KMT2C: variants seen among roughly 807,000 people sequenced by gnomAD.
KMT2C encodes the protein lysine methyltransferase 2C, also known as histone-lysine N-methyltransferase 2C.
Under a neutral mutation model 507.9 loss-of-function variants are expected in KMT2C, and 88 were observed. That is an observed-to-expected ratio of 0.17 (90% confidence interval 0.15 to 0.21). The LOEUF is 0.21. Ranked by LOEUF, KMT2C falls within the 10% of genes least tolerant of loss-of-function variation. The pLI is 1.00. For missense variants in KMT2C, 4,954 were observed against 5,957.8 expected (o/e 0.83, Z 5.55); for synonymous variants, 2,049 against 2,080.8 (o/e 0.98, Z 0.42).
chr7:152,160,635 T>A (rs961775841), intron 43 of KMT2C, among the ~76,000 whole-genome samples: 2 of 146,722 alleles, frequency 1.4e-5, no homozygotes, highest in African/African-American at 5.0e-5. Context: ...ATTTATATAT[T>A]TATATTTATA....
rs2129095710 is a variant in KMT2C at position 152,149,082 on chromosome 7, T to C, written c.12845A>G (p.Asn4282Ser). The C allele has an allele frequency of 2.0e-6, 3 of 1,517,068 alleles. No individual in the cohort carries two copies. The highest frequency in any genetic ancestry group is 2.6e-6 in the Non-Finnish European group (3 of 1,135,760). 94.0% of individuals were successfully genotyped at this position (1,517,068 alleles called of 1,614,324 possible). A position where few individuals can be genotyped will look rare whatever the true frequency, so the allele number is the denominator to read the frequency against. The part of the protein sequence containing the change: ...TPSKAFHQYS[N>S]NISTLDVHCL... ...GTGCACATCCAAAGTGGAGATGTTGTTGCTGTACTGATGAAATGCTTTGGA... is the reference window on the plus strand; with the variant it reads ...GTGCACATCCAAAGTGGAGATGTTGCTGCTGTACTGATGAAATGCTTTGGA... Residue 4282 changes from asparagine (N) to serine (S), a missense_variant, in exon 52 of 59, where the codon AAC (asparagine) becomes AGC (serine). Asn to Ser is a conservative substitution (Grantham distance 46). This residue lies in a region of KMT2C where 417 missense variants were observed against 461.1 expected (regional missense o/e 0.90). Coordinates refer to ENST00000262189, the MANE Select transcript of KMT2C (RefSeq NM_170606.3).
chr7:152,267,270 CTT>C, intron 7 of KMT2C, among the ~76,000 whole-genome samples: 1 of 152,204 alleles, frequency 6.6e-6, no homozygotes, highest in South Asian at 2.1e-4. Flanking sequence ...AACCCCAAAC[CTT>C]TATTCTTCAA....
At chr7:152,373,681 T>C (rs1476180640) in intron 1 of KMT2C, among the ~76,000 whole-genome samples, 1 of 152,134 alleles carries the variant, frequency 6.6e-6, no homozygotes, top group Non-Finnish European at 1.5e-5. Flanking sequence ...AAAAGAGTTC[T>C]TTAAGATTGT....
At chr7:152,321,185 G>A (rs970200886) in intron 3 of KMT2C, among the ~76,000 whole-genome samples, 21 of 151,956 alleles carry the variant, frequency 1.4e-4, no homozygotes, top group African/African-American at 4.8e-4. Context: ...AGTGAGCCAA[G>A]ATCGCACCAT....
At chr7:152,258,576 G>T (rs1446579962) in intron 9 of KMT2C, among the ~76,000 whole-genome samples, 1 of 152,130 alleles carries the variant, frequency 6.6e-6, no homozygotes, top group Non-Finnish European at 1.5e-5. Flanking sequence ...CCAGGCTGGA[G>T]TGTAGTAGCA....
At chr7:152,420,280 G>A (rs10281573) in intron 1 of KMT2C, among the ~76,000 whole-genome samples, 3,453 of 152,272 alleles carry the variant, frequency 0.023, 135 homozygotes, top group African/African-American at 0.08. Flanking sequence ...CACCCACACC[G>A]ATCTGTGATG....
chr7:152,273,983 T>A (rs1166601076), intron 6 of KMT2C, 116 bp from the exon 7 acceptor site: 6 of 932,226 alleles, frequency 6.4e-6, no homozygotes, highest in Non-Finnish European at 8.8e-6. Flanking sequence ...AAATTGAACC[T>A]GCAAAATATT....
intron 17 of KMT2C, 86 bp from the exon 18 acceptor site, chr7:152,230,113 A>G: frequency 1.1e-6 from 1 of 897,410 alleles, no homozygotes; most frequent in Non-Finnish European, 1.8e-6. Context: ...TTCTTAACTA[A>G]TATAGCTCTA....
intron 6 of KMT2C, among the ~76,000 whole-genome samples, chr7:152,304,290 T>C (rs932384536): frequency 6.6e-6 from 1 of 152,206 alleles, no homozygotes; most frequent in African/African-American, 2.4e-5. Context: ...TCTGCAACCA[T>C]TTTTAAATCT....
intron 52 of KMT2C, 72 bp downstream of exon 52, chr7:152,147,961 T>C (rs1044587601): frequency 4.2e-6 from 6 of 1,445,780 alleles, no homozygotes; most frequent in South Asian, 1.5e-5. Flanking sequence ...ACATGGAAAA[T>C]TGACAAAATA....
chr7:152,420,179 A>T (rs2097769344), intron 1 of KMT2C, among the ~76,000 whole-genome samples: 1 of 152,182 alleles, frequency 6.6e-6, no homozygotes, highest in Non-Finnish European at 1.5e-5. Context: ...ATTAACAGAG[A>T]ACAAATAGGA....
At chr7:152,408,624 T>C (rs1314902596) in intron 1 of KMT2C, among the ~76,000 whole-genome samples, 1 of 152,126 alleles carries the variant, frequency 6.6e-6, no homozygotes, top group African/African-American at 2.4e-5. Context: ...GCAAGGGACC[T>C]AGGCTGCATG....
At chr7:152,157,267 G>A (rs2092118746) in intron 44 of KMT2C, among the ~76,000 whole-genome samples, 1 of 149,514 alleles carries the variant, frequency 6.7e-6, no homozygotes, top group African/African-American at 2.5e-5. Flanking sequence ...GGCAGAGATT[G>A]CAGGGAGCTG....
chr7:152,245,279 ACTG>A (rs1311684405), intron 14 of KMT2C, among the ~76,000 whole-genome samples: 51 of 152,280 alleles, frequency 3.3e-4, no homozygotes, highest in African/African-American at 1.2e-3. Context: ...TAATTCCGGA[ACTG>A]CTGTTTTTAT....
chr7:152,223,620 CCT>C (rs2094841370), intron 20 of KMT2C, among the ~76,000 whole-genome samples: 1 of 151,928 alleles, frequency 6.6e-6, no homozygotes, highest in African/African-American at 2.4e-5. Flanking sequence ...ATGGTGAAAC[CCT>C]GTCTCTACTA....
At chr7:152,221,905 C>G in intron 22 of KMT2C, 96 bp downstream of exon 22, 1 of 796,066 alleles carries the variant, frequency 1.3e-6, no homozygotes, top group Non-Finnish European at 2.1e-6. Flanking sequence ...ATAGAACACC[C>G]ATATGATTGA....
chr7:152,230,193 G>C (rs752064907), intron 17 of KMT2C, 27 bp downstream of exon 17: 2 of 1,293,924 alleles, frequency 1.5e-6, no homozygotes, highest in African/African-American at 3.0e-5. Context: ...ATTCAATGAG[G>C]AAGACAGTAA....
In KMT2C at chr7:152,163,602, G is replaced by A. The variant is rs199826605; in HGVS notation, c.9975C>T (p.Ser3325=). 8.1e-6 allele frequency: 13 copies of A among 1,606,578 alleles called. No individual in the cohort carries two copies. The East Asian group carries it at 2.7e-4, about 33-fold the overall frequency. Residue 3325 remains serine, a synonymous_variant, in exon 43 of 59, where the codon AGC becomes AGT. Coordinates refer to ENST00000262189, the MANE Select transcript of KMT2C (RefSeq NM_170606.3). The stretch of plus-strand genomic sequence containing the variant: ...CAGGTAAACTGGGCATTCTAACAGG[G>A]CTAGTATGGCCAGAAATAACTGTTG... The part of the protein sequence containing the change: ...QHTTVISGHT[S]PVRMPSLPGW...
chr7:152,334,950 G>C (rs1274834788), intron 2 of KMT2C, among the ~76,000 whole-genome samples: 1 of 152,148 alleles, frequency 6.6e-6, no homozygotes, highest in Non-Finnish European at 1.5e-5. Flanking sequence ...ACAGAAAACT[G>C]GTATTAAAGA....
Sources: allele counts gnomAD v4.1 joint callset (sites outside exome capture counted in the v4.1 genomes callset), GRCh38; gene constraint gnomAD v4.1.1; regional missense constraint gnomAD v4.1.1; transcripts MANE v1.5; gene names NCBI Gene and HGNC (gene_info 2026-07-23, HGNC 2026-07-21).